The following DHRS12 variants were observed in gnomAD, a reference collection of about 807,000 sequenced individuals.
DHRS12 encodes the protein dehydrogenase/reductase 12.
A neutral mutation model predicts 32.1 loss-of-function variants in DHRS12; 29 were observed. That is an observed-to-expected ratio of 0.90 (90% CI 0.67 to 1.23). The LOEUF (loss-of-function observed/expected upper bound fraction) is 1.23, where lower values mean the gene tolerates loss of function less well. Ranked by LOEUF, DHRS12 falls within the 50% of genes most tolerant of loss-of-function variation. The probability of loss-of-function intolerance (pLI) is 0.00; values close to 1 mark genes in which losing one functional copy is unlikely to be tolerated. For missense variants in DHRS12, 330 were observed against 337.2 expected, an observed-to-expected ratio of 0.98 and a Z score of 0.17; for synonymous variants, 150 against 135.9, an observed-to-expected ratio of 1.10 and a Z score of -0.72.
chr13:51,800,193 C>T (rs1955689206), intron 1 of DHRS12, among the ~76,000 whole-genome samples: 1 of 152,214 alleles, frequency 6.6e-6, no homozygotes, highest in African/African-American at 2.4e-5. Context: ...AAGGTGTGCA[C>T]TGCACAGCTC....
intron 6 of DHRS12, 149 bp downstream of exon 6, chr13:51,773,781 A>C: frequency 1.5e-6 from 1 of 671,032 alleles, no homozygotes; most frequent in South Asian, 1.9e-5. Context: ...TGCTCCCCAA[A>C]GGGGAGCCCT....
chr13:51,783,798 G>A (rs1954829754), intron 4 of DHRS12, among the ~76,000 whole-genome samples: 1 of 152,166 alleles, frequency 6.6e-6, no homozygotes, highest in African/African-American at 2.4e-5. Flanking sequence ...GTGCATCTAA[G>A]AGTCACTCAC....
At chr13:51,764,116 G>A (rs530109967), downstream of DHRS12, 3 of 152,316 alleles carry the variant, frequency 2.0e-5, no homozygotes, top group South Asian at 6.2e-4. Flanking sequence ...CAGAAATTAA[G>A]ATCATGTTGA....
intron 2 of DHRS12, among the ~76,000 whole-genome samples, chr13:51,792,535 G>T (rs967108577): frequency 4.6e-5 from 7 of 152,136 alleles, no homozygotes; most frequent in African/African-American, 1.7e-4. Context: ...AAGTAGCTGG[G>T]ACTAGAGGTG....
rs1232110161 is a variant in DHRS12 at position 51,799,527 on chromosome 13, T to C, written c.126+7A>G. ...CTCAGTGGACACACGTGTTAGCAGCTGCTTACCTCGCTTGGCGATTTCAAG... is the reference window on the plus strand; with the variant it reads ...CTCAGTGGACACACGTGTTAGCAGCCGCTTACCTCGCTTGGCGATTTCAAG... On this transcript the variant is annotated splice_region_variant and intron_variant, in intron 2 of 8. Transcript: ENST00000444610. 1.2e-6 allele frequency: 2 copies of C among 1,613,034 alleles called. No individual in the cohort carries two copies. The highest frequency in any genetic ancestry group is 1.7e-5 in the Admixed American group (1 of 60,020).
intron 4 of DHRS12, among the ~76,000 whole-genome samples, chr13:51,783,948 C>T (rs1954836083): frequency 6.6e-6 from 1 of 152,198 alleles, no homozygotes; most frequent in Admixed American, 6.5e-5. Context: ...TATAAACATT[C>T]GTGTGCGTAT....
rs183815340 is a variant in DHRS12, at chr13:51,779,952, G to A, written c.302-2831C>T. ...AGCACTTTGGGAGGCCGAGGCGGGC[G>A]GATCACTTGAGGTCAGGAGTTCAAG... is the stretch of plus-strand genomic sequence containing the variant. On this transcript the variant is annotated intron_variant, in intron 4 of 8. Transcript: ENST00000444610. 7.2e-3 allele frequency among the ~76,000 whole-genome samples: 1,102 copies of A among 152,058 alleles called. 13 individuals carry two copies. The highest frequency in any genetic ancestry group is 0.025 in the African/African-American group (1,044 of 41,454).
chr13:51,786,194 C>T (rs1354813036), intron 4 of DHRS12, among the ~76,000 whole-genome samples: 1 of 152,240 alleles, frequency 6.6e-6, no homozygotes, highest in Non-Finnish European at 1.5e-5. Flanking sequence ...AGCTAAGGCA[C>T]CACTGCCTGT....
rs1465688733 is a variant in DHRS12, at chr13:51,774,031, T to C, written c.367A>G (p.Thr123Ala). ...LEKEHDPRVITVSSGGMLVQK... is the reference protein window; with the variant it reads ...LEKEHDPRVIAVSSGGMLVQK... ...ACCAACATTCCTCCTGAGGAGACGG[T>C]TATCTGCAATAAAGGTAACAGAGAT... Residue 123 changes from threonine (T) to alanine (A), a missense_variant, in exon 6 of 9, where the codon ACC (threonine) becomes GCC (alanine). Physicochemically the swap from Thr to Ala is moderately conservative, Grantham distance 58. Coordinates refer to ENST00000444610, the MANE Select transcript of DHRS12 (RefSeq NM_001377533.1). 6.2e-7 allele frequency: 1 copy of C among 1,613,692 alleles called. No individual in the cohort carries two copies. Among genetic ancestry groups the C allele is most frequent in the South Asian group, 1.1e-5 (1 of 91,068 alleles).
chr13:51,793,441 T>C (rs1232813091), intron 2 of DHRS12, among the ~76,000 whole-genome samples: 1 of 152,206 alleles, frequency 6.6e-6, no homozygotes, highest in Admixed American at 6.5e-5. Flanking sequence ...CTCAAAGCTG[T>C]AGTCGAATTT....
At chr13:51,786,809 T>C (rs982356623) in intron 4 of DHRS12, among the ~76,000 whole-genome samples, 2 of 152,210 alleles carry the variant, frequency 1.3e-5, no homozygotes, top group Non-Finnish European at 2.9e-5. Context: ...CCTACTGGTG[T>C]TTGGCTGGAG....
chr13:51,773,575 G>A (rs1210977418), intron 6 of DHRS12, among the ~76,000 whole-genome samples: 4 of 152,036 alleles, frequency 2.6e-5, no homozygotes, highest in African/African-American at 4.8e-5. Flanking sequence ...GTGAGCCTCC[G>A]GGAAGCCAAG....
In DHRS12 at chr13:51,794,361, C is replaced by T. The variant is rs1285571089; in HGVS notation, c.127-3104G>A. On this transcript the variant is annotated intron_variant, in intron 2 of 8. Coordinates refer to ENST00000444610, the MANE Select transcript of DHRS12 (RefSeq NM_001377533.1). Reference sequence around the variant, plus strand: ...ATCAGAGCAGTTCCCACAATGAGCACGGTAAACAGTGCATGGAGGTGTTTT... The same window carrying T: ...ATCAGAGCAGTTCCCACAATGAGCATGGTAAACAGTGCATGGAGGTGTTTT... Among the ~76,000 whole-genome samples, 3 of 152,134 alleles carry T rather than the reference C, an allele frequency of 2.0e-5. No individual in the cohort carries two copies. In the East Asian group the frequency reaches 5.8e-4, roughly 29 times the overall value.
chr13:51,756,546 C>T, the DHRS12 span: 6 of 1,500,776 alleles, frequency 4.0e-6, no homozygotes, highest in Non-Finnish European at 4.4e-6. Flanking sequence ...AACCATCACT[C>T]AGGTTGCTCT....
chr13:51,766,785 G>GA (rs1302129607), downstream of DHRS12: 5 of 152,234 alleles, frequency 3.3e-5, no homozygotes, highest in African/African-American at 1.2e-4. Flanking sequence ...AAATCTCTGT[G>GA]AAAACCTTTC....
At chr13:51,780,430 G>A in intron 4 of DHRS12, among the ~76,000 whole-genome samples, 1 of 152,252 alleles carries the variant, frequency 6.6e-6, no homozygotes, top group South Asian at 2.1e-4. Context: ...AGGAGGGAAG[G>A]CACCTTCAGC....
intron 4 of DHRS12, chr13:51,789,655 G>A: frequency 1.0e-6 from 1 of 985,436 alleles, no homozygotes; most frequent in Non-Finnish European, 1.2e-6. Flanking sequence ...CCCACTGGTT[G>A]CACCTTCCTC....
intron 4 of DHRS12, among the ~76,000 whole-genome samples, chr13:51,786,531 T>G (rs1954964901): frequency 6.6e-6 from 1 of 152,198 alleles, no homozygotes; most frequent in Non-Finnish European, 1.5e-5. Context: ...ATGGCTCAAC[T>G]GTGCATCAAC....
intron 1 of DHRS12, among the ~76,000 whole-genome samples, chr13:51,801,929 G>A (rs1392972997): frequency 1.3e-5 from 2 of 152,156 alleles, no homozygotes; most frequent in Non-Finnish European, 2.9e-5. Flanking sequence ...GGCTCCTCTG[G>A]GTTGAACCTC....
Sources: allele counts gnomAD v4.1 joint callset (sites outside exome capture counted in the v4.1 genomes callset), GRCh38; gene constraint gnomAD v4.1.1; transcripts MANE v1.5; gene names NCBI Gene and HGNC (gene_info 2026-07-23, HGNC 2026-07-21).